PBX3: variants seen among roughly 807,000 people sequenced by gnomAD.
The protein encoded by PBX3 is pre-B-cell leukemia transcription factor 3.
Under a neutral mutation model 48.5 loss-of-function variants are expected in PBX3, and 14 were observed. The observed-to-expected ratio is 0.29, with a 90% CI of 0.19 to 0.45. The LOEUF is 0.45. PBX3 is among the 20% of genes least tolerant of loss of function. The pLI is 1.00. For synonymous variants in PBX3, 210 were observed against 200.3 expected (o/e 1.05, Z -0.41); for missense variants, 386 against 546.7 (o/e 0.71, Z 2.93).
chr9:125,758,246 A>T (rs1245527682), intron 2 of PBX3, among the ~76,000 whole-genome samples: 3 of 151,892 alleles, frequency 2.0e-5, no homozygotes, highest in Non-Finnish European at 4.4e-5. Flanking sequence ...AATATTTCTT[A>T]CTTTCAGTGT....
intron 3 of PBX3, among the ~76,000 whole-genome samples, chr9:125,918,669 A>G (rs952830131): frequency 3.3e-5 from 5 of 152,224 alleles, no homozygotes; most frequent in African/African-American, 1.2e-4. Flanking sequence ...TGGCAGATTC[A>G]GCAGAATTTT....
intron 2 of PBX3, among the ~76,000 whole-genome samples, chr9:125,793,364 A>ATATATATATATATATATATATATATATAT (rs1263966407): frequency 2.0e-4 from 12 of 59,090 alleles, no homozygotes; most frequent in African/African-American, 6.0e-4. Context: ...GGGGAAAAAA[A>ATATATATATATATATATATATATATATAT]AAATATATAT....
intron 3 of PBX3, among the ~76,000 whole-genome samples, chr9:125,924,375 A>G (rs1028732581): frequency 1.3e-5 from 2 of 152,234 alleles, no homozygotes; most frequent in African/African-American, 2.4e-5. Context: ...TATGAAAAGC[A>G]TTTGACCTCA....
chr9:125,887,389 A>C lies in PBX3; in HGVS notation c.275-28297A>C, dbSNP rs113122479. Among the ~76,000 whole-genome samples the C allele has an allele frequency of 5.6e-3, 855 of 152,306 alleles. 6 individuals carry two copies. Among genetic ancestry groups the C allele is most frequent in the Middle Eastern group, 0.02 (6 of 294 alleles). On this transcript the variant is annotated intron_variant, in intron 2 of 8. Coordinates refer to ENST00000373489, the MANE Select transcript of PBX3 (RefSeq NM_006195.6). ...ATAATTGATGGCTAAAGAAAAGCAC[A>C]CGCTATGCTAATCATTTGTTAGAAT... is the stretch of plus-strand genomic sequence containing the variant.
chr9:125,915,262 G>C (rs1016446627), intron 2 of PBX3, among the ~76,000 whole-genome samples: 21 of 152,114 alleles, frequency 1.4e-4, no homozygotes, highest in Non-Finnish European at 3.1e-4. Flanking sequence ...ACTGTACAGA[G>C]AGAGACAGAA....
At chr9:125,765,346 C>T (rs556235027) in intron 2 of PBX3, among the ~76,000 whole-genome samples, 44 of 152,098 alleles carry the variant, frequency 2.9e-4, no homozygotes, top group Middle Eastern at 3.4e-3. Context: ...GACTGTTGTT[C>T]ACCATGTTGT....
intron 2 of PBX3, among the ~76,000 whole-genome samples, chr9:125,789,715 G>A (rs778089826): frequency 1.5e-4 from 23 of 152,106 alleles, no homozygotes; most frequent in Non-Finnish European, 2.4e-4. Flanking sequence ...AGTAGGCAGT[G>A]GGACCATTGG....
intron 2 of PBX3, among the ~76,000 whole-genome samples, chr9:125,911,156 A>G (rs1009853940): frequency 6.6e-6 from 1 of 152,098 alleles, no homozygotes. Flanking sequence ...TTCACAACCA[A>G]AAGTAATTGT....
chr9:125,765,230 A>T (rs2131986115), intron 2 of PBX3, among the ~76,000 whole-genome samples: 1 of 151,608 alleles, frequency 6.6e-6, no homozygotes, highest in South Asian at 2.1e-4. Flanking sequence ...GCTCACTGCA[A>T]CCTCTGCCTC....
At chr9:125,807,304 C>T (rs1193382735) in intron 2 of PBX3, among the ~76,000 whole-genome samples, 1 of 151,826 alleles carries the variant, frequency 6.6e-6, no homozygotes, top group Non-Finnish European at 1.5e-5. Context: ...CTGCATTCCA[C>T]CCTGGGTGAC....
chr9:125,766,481 T>C (rs1836803035), intron 2 of PBX3, among the ~76,000 whole-genome samples: 1 of 152,112 alleles, frequency 6.6e-6, no homozygotes, highest in South Asian at 2.1e-4. Flanking sequence ...TTTAAAACTA[T>C]GATAATAAGC....
intron 3 of PBX3, among the ~76,000 whole-genome samples, chr9:125,916,376 G>A (rs1171605587): frequency 6.6e-6 from 1 of 152,152 alleles, no homozygotes; most frequent in Non-Finnish European, 1.5e-5. Flanking sequence ...CTTATGGATT[G>A]TGCCAGACTA....
chr9:125,756,201 C>T (rs781773428), intron 2 of PBX3, among the ~76,000 whole-genome samples: 2 of 152,116 alleles, frequency 1.3e-5, no homozygotes, highest in Non-Finnish European at 2.9e-5. Context: ...TATATTTCAG[C>T]ATATATCTTA....
At chr9:125,851,642 A>T (rs1839581111) in intron 2 of PBX3, among the ~76,000 whole-genome samples, 1 of 152,122 alleles carries the variant, frequency 6.6e-6, no homozygotes, top group African/African-American at 2.4e-5. Context: ...GATCATTTAT[A>T]GATATGTTTC....
chr9:125,849,108 G>A (rs951701392), intron 2 of PBX3, among the ~76,000 whole-genome samples: 3 of 151,868 alleles, frequency 2.0e-5, no homozygotes, highest in Non-Finnish European at 2.9e-5. Flanking sequence ...AGCTTGCTCC[G>A]GATCACATGG....
intron 3 of PBX3, among the ~76,000 whole-genome samples, chr9:125,928,050 G>T (rs1332131971): frequency 6.6e-6 from 1 of 151,936 alleles, no homozygotes; most frequent in Non-Finnish European, 1.5e-5. Flanking sequence ...GGGCGTGGCG[G>T]TGTGTACCTG....
intron 5 of PBX3, among the ~76,000 whole-genome samples, chr9:125,958,821 G>C (rs1842364925): frequency 6.6e-6 from 1 of 152,200 alleles, no homozygotes; most frequent in Non-Finnish European, 1.5e-5. Context: ...TATGGATAAG[G>C]TTGCTCTAGG....
intron 5 of PBX3, among the ~76,000 whole-genome samples, chr9:125,940,568 G>A (rs1333640735): frequency 2.6e-5 from 4 of 152,136 alleles, no homozygotes; most frequent in Admixed American, 6.5e-5. Flanking sequence ...AACAGTATTT[G>A]TAATAGCCAA....
chr9:125,751,947 C>T (rs1429767679), intron 2 of PBX3, among the ~76,000 whole-genome samples: 8 of 151,280 alleles, frequency 5.3e-5, no homozygotes, highest in South Asian at 2.1e-4. Context: ...CTTAATTGTG[C>T]GAGTTTAAGT....
Sources: gnomAD v4.1 joint callset for allele counts (sites outside exome capture counted in the v4.1 genomes callset) on GRCh38, gnomAD v4.1.1 for gene constraint, MANE v1.5 for transcripts, NCBI Gene and HGNC (gene_info 2026-07-23, HGNC 2026-07-21) for gene names.